MATN2: variants seen among roughly 807,000 people sequenced by gnomAD.
MATN2 encodes the protein matrilin-2.
In MATN2, 69 loss-of-function variants were observed where a neutral mutation model predicts 103.2. That is an observed-to-expected ratio of 0.67 (90% CI 0.55 to 0.82). The LOEUF (loss-of-function observed/expected upper bound fraction) is 0.82. Ranked by LOEUF, MATN2 falls within the 40% of genes least tolerant of loss-of-function variation. The pLI, the probability that MATN2 is intolerant of heterozygous loss-of-function variation, is 0.00. For missense variants in MATN2, 1,023 were observed against 1,211.5 expected (o/e 0.84, Z 2.31); for synonymous variants, 429 against 450.2 (o/e 0.95, Z 0.60).
intron 2 of MATN2, among the ~76,000 whole-genome samples, chr8:97,914,396 G>A (rs1296734671): frequency 9.2e-6 from 1 of 108,520 alleles, no homozygotes; most frequent in Admixed American, 1.4e-4. Flanking sequence ...TTTGGAACAG[G>A]GTCTTGCTCT....
At chr8:97,963,661 A>G (rs1258217937) in intron 5 of MATN2, among the ~76,000 whole-genome samples, 2 of 152,122 alleles carry the variant, frequency 1.3e-5, no homozygotes, top group East Asian at 1.9e-4. Flanking sequence ...TTGACTGCAT[A>G]TAAGAATGTC....
At chr8:98,010,959 T>C (rs568258184) in intron 10 of MATN2, among the ~76,000 whole-genome samples, 11 of 152,316 alleles carry the variant, frequency 7.2e-5, no homozygotes, top group African/African-American at 2.6e-4. Flanking sequence ...CGGGCTCCCA[T>C]CACAAAATAC....
At chr8:98,010,859 G>A (rs566643864) in intron 10 of MATN2, among the ~76,000 whole-genome samples, 159 of 152,352 alleles carry the variant, frequency 1.0e-3, no homozygotes, top group African/African-American at 3.7e-3. Context: ...GCAGATCTGC[G>A]AGGGCCTGTT....
intron 5 of MATN2, among the ~76,000 whole-genome samples, chr8:97,964,167 G>C (rs1315554248): frequency 6.6e-6 from 1 of 152,106 alleles, no homozygotes; most frequent in South Asian, 2.1e-4. Flanking sequence ...CCTGGGAGCT[G>C]GTAGGTCAGA....
At chr8:97,898,772 A>T (rs1818895933) in intron 2 of MATN2, among the ~76,000 whole-genome samples, 1 of 152,066 alleles carries the variant, frequency 6.6e-6, no homozygotes, top group Non-Finnish European at 1.5e-5. Context: ...TGTTTTCTCT[A>T]CTTAAACTCT....
At chr8:98,027,909 A>G (rs570906345) in intron 14 of MATN2, 80 bp downstream of exon 14, 2 of 1,422,360 alleles carry the variant, frequency 1.4e-6, no homozygotes, top group East Asian at 4.7e-5. Context: ...AGCTGGCCAT[A>G]AGGGTAAGCT....
intron 10 of MATN2, among the ~76,000 whole-genome samples, chr8:98,015,754 C>G (rs1043243522): frequency 6.6e-6 from 1 of 152,184 alleles, no homozygotes; most frequent in South Asian, 2.1e-4. Context: ...TCCACGCATC[C>G]CTCTTCTCCT....
chr8:98,026,517 A>G (rs907622233), intron 13 of MATN2, among the ~76,000 whole-genome samples: 2 of 152,064 alleles, frequency 1.3e-5, no homozygotes, highest in Non-Finnish European at 2.9e-5. Context: ...CAGCCTCCCA[A>G]TGCACTGGGG....
rs80041600 is a variant in MATN2, at chr8:97,952,322, G to T, written c.836-9086G>T. On this transcript the variant is annotated intron_variant, in intron 4 of 18. Coordinates refer to ENST00000254898, the MANE Select transcript of MATN2 (RefSeq NM_002380.5). ...AAAGTAGAGGGTGTCTCCTAAAGGTGTTCATTTGCTTTAACTCCAAAGATG... is the reference window on the plus strand; with the variant it reads ...AAAGTAGAGGGTGTCTCCTAAAGGTTTTCATTTGCTTTAACTCCAAAGATG... 3.3e-5 allele frequency: 5 copies of T among 152,330 alleles called. No individual in the cohort carries two copies. In the East Asian group the frequency reaches 9.6e-4, roughly 29 times the overall value. The allele number at this position is 152,330 out of a possible 1,614,324, so 9.4% of individuals were successfully genotyped here.
At chr8:97,976,168 G>C (rs986760123) in intron 5 of MATN2, among the ~76,000 whole-genome samples, 2 of 151,110 alleles carry the variant, frequency 1.3e-5, no homozygotes, top group Non-Finnish European at 2.9e-5. Context: ...TCTGTTGCCT[G>C]GGCTGGAATG....
At chr8:98,011,665 A>C (rs1813165206) in intron 10 of MATN2, among the ~76,000 whole-genome samples, 1 of 152,174 alleles carries the variant, frequency 6.6e-6, no homozygotes, top group African/African-American at 2.4e-5. Flanking sequence ...AAGCAGTGTA[A>C]TTCTATCTGT....
In MATN2 at chr8:97,929,211, C is replaced by T. The variant is rs147949395; in HGVS notation, c.143-1742C>T. ...AGTTGTGTGTGCAGGCACTCAGGGA[C>T]GAGTCACAGCCTGGCAAGCTGGCCT... On this transcript the variant is annotated intron_variant, in intron 2 of 18. Transcript: ENST00000254898. Among the ~76,000 whole-genome samples the T allele has an allele frequency of 9.2e-3, 1,408 of 152,260 alleles. 17 individuals are homozygous for T. The highest frequency in any genetic ancestry group is 0.032 in the African/African-American group (1,310 of 41,556).
At chr8:97,932,979 T>C (rs1487010054) in intron 3 of MATN2, among the ~76,000 whole-genome samples, 1 of 152,168 alleles carries the variant, frequency 6.6e-6, no homozygotes, top group Non-Finnish European at 1.5e-5. Flanking sequence ...AGGAGGGGGT[T>C]CTCAGAATGT....
intron 2 of MATN2, among the ~76,000 whole-genome samples, chr8:97,922,043 T>C (rs1563668659): frequency 6.6e-6 from 1 of 152,114 alleles, no homozygotes; most frequent in Non-Finnish European, 1.5e-5. Context: ...GGGATCTAGG[T>C]TGCACACTCC....
In MATN2 at chr8:97,949,645, T is replaced by C. The variant is rs945785577; in HGVS notation, c.835+7746T>C. Among the ~76,000 whole-genome samples, 13 of 152,332 alleles carry C rather than the reference T, an allele frequency of 8.5e-5. No individual in the cohort carries two copies. In the South Asian group the frequency reaches 2.3e-3, roughly 27 times the overall value. On this transcript the variant is annotated intron_variant, in intron 4 of 18. Coordinates refer to ENST00000254898, the MANE Select transcript of MATN2 (RefSeq NM_002380.5). The stretch of plus-strand genomic sequence containing the variant: ...CTATCATGTGACCCAGCCATTCCAC[T>C]TTTAAGTATTTACTCAAAAGAAATA...
At chr8:97,958,710 C>T (rs187334158) in intron 4 of MATN2, among the ~76,000 whole-genome samples, 47 of 152,282 alleles carry the variant, frequency 3.1e-4, no homozygotes, top group Middle Eastern at 3.4e-3. Context: ...TTTCCCAGGC[C>T]TGAGAGGATC....
chr8:97,967,315 A>G (rs754533994), intron 5 of MATN2, among the ~76,000 whole-genome samples: 13 of 152,058 alleles, frequency 8.5e-5, no homozygotes, highest in Admixed American at 4.6e-4. Context: ...TCAAAATACA[A>G]TCGTGCCTTT....
chr8:97,939,641 G>T (rs1213088836), intron 3 of MATN2, among the ~76,000 whole-genome samples: 1 of 152,162 alleles, frequency 6.6e-6, no homozygotes, highest in Non-Finnish European at 1.5e-5. Flanking sequence ...CAGAGCAAGA[G>T]CCTGTCTCAC....
At chr8:97,913,615 A>ATTTT (rs34387422) in intron 2 of MATN2, among the ~76,000 whole-genome samples, 1 of 121,796 alleles carries the variant, frequency 8.2e-6, no homozygotes, top group East Asian at 2.4e-4. Context: ...GCACCCTGCC[A>ATTTT]TTTTTTTTTT....
Sources: allele counts gnomAD v4.1 joint callset (sites outside exome capture counted in the v4.1 genomes callset), GRCh38; gene constraint gnomAD v4.1.1; transcripts MANE v1.5; gene names NCBI Gene and HGNC (gene_info 2026-07-23, HGNC 2026-07-21).